The following PRKCB variants were observed in gnomAD, a reference collection of about 807,000 sequenced individuals.
PRKCB encodes protein kinase C beta type.
A neutral mutation model predicts 81.5 loss-of-function variants in PRKCB; 13 were observed. The observed-to-expected ratio is 0.16, with a 90% CI of 0.10 to 0.25. The LOEUF (loss-of-function observed/expected upper bound fraction) is 0.25, where lower values mean the gene tolerates loss of function less well. Ranked by LOEUF, PRKCB falls within the 10% of genes least tolerant of loss-of-function variation. The pLI, the probability that PRKCB is intolerant of heterozygous loss-of-function variation, is 1.00. For missense variants in PRKCB, 509 were observed against 875.7 expected, an observed-to-expected ratio of 0.58 and a Z score of 5.29; for synonymous variants, 335 against 321.4, an observed-to-expected ratio of 1.04 and a Z score of -0.45.
At chr16:24,055,065 G>A (rs774151858) in intron 5 of PRKCB, among the ~76,000 whole-genome samples, 25 of 152,204 alleles carry the variant, frequency 1.6e-4, no homozygotes, top group Non-Finnish European at 3.1e-4. Context: ...TGGGGGTCCC[G>A]TTCAGTATGC....
In PRKCB at chr16:24,220,309, C is replaced by T. The variant is rs368074978; in HGVS notation, c.*5493C>T. 77 of 586,930 alleles carry T rather than the reference C, an allele frequency of 1.3e-4. No homozygotes were observed. The East Asian group carries it at 1.6e-3, about 12-fold the overall frequency. The allele number at this position is 586,930 out of a possible 1,614,324, so 36.4% of individuals were successfully genotyped here. On this transcript the variant is annotated 3_prime_UTR_variant, in exon 17 of 17. Coordinates refer to ENST00000643927, the MANE Select transcript of PRKCB (RefSeq NM_002738.7). ...TTGAAAATGTTTAGTTTAGAATAAG[C>T]GCATTATCCAATTATAGAGGTACAA...
intron 6 of PRKCB, among the ~76,000 whole-genome samples, chr16:24,093,581 A>G (rs1966403340): frequency 6.6e-6 from 1 of 152,216 alleles, no homozygotes. Flanking sequence ...CCAAAGTCCC[A>G]TAGCAAATAT....
At chr16:23,925,390 G>T (rs1963882224) in intron 2 of PRKCB, among the ~76,000 whole-genome samples, 1 of 151,994 alleles carries the variant, frequency 6.6e-6, no homozygotes, top group African/African-American at 2.4e-5. Flanking sequence ...GGTATCTGTG[G>T]CCATGATAAT....
At chr16:23,981,038 C>G (rs1017949227) in intron 2 of PRKCB, among the ~76,000 whole-genome samples, 3 of 152,032 alleles carry the variant, frequency 2.0e-5, no homozygotes, top group Non-Finnish European at 4.4e-5. Flanking sequence ...CCTTGCTGAT[C>G]TAGTGTTTCT....
chr16:24,102,992 C>A (rs952828963), intron 7 of PRKCB, among the ~76,000 whole-genome samples: 3 of 152,134 alleles, frequency 2.0e-5, no homozygotes, highest in African/African-American at 7.2e-5. Flanking sequence ...CCTGACTGAG[C>A]CTCTTGAGTA....
At chr16:23,839,757 C>T (rs1207869566) in intron 2 of PRKCB, among the ~76,000 whole-genome samples, 1 of 152,188 alleles carries the variant, frequency 6.6e-6, no homozygotes, top group Non-Finnish European at 1.5e-5. Context: ...GTCTATAAAA[C>T]GGAGTCAGTA....
chr16:24,047,250 G>A (rs780416919), intron 5 of PRKCB, among the ~76,000 whole-genome samples: 1 of 152,116 alleles, frequency 6.6e-6, no homozygotes, highest in Non-Finnish European at 1.5e-5. Flanking sequence ...GCTGAGGCAG[G>A]AGAATCGCTT....
intron 2 of PRKCB, among the ~76,000 whole-genome samples, chr16:23,974,613 G>A (rs1466087069): frequency 6.6e-6 from 1 of 152,206 alleles, no homozygotes; most frequent in African/African-American, 2.4e-5. Flanking sequence ...GGAGCTGCTT[G>A]GTGACCATCC....
intron 2 of PRKCB, among the ~76,000 whole-genome samples, chr16:23,912,507 C>CTTTTTTTTTTTTTTTTTTTTTTT (rs1210105406): frequency 1.4e-5 from 1 of 72,078 alleles, no homozygotes; most frequent in African/African-American, 5.8e-5. Context: ...TTTCTTTCTT[C>CTTTTTTTTTTTTTTTTTTTTTTT]TTTTTTTTTT....
intron 2 of PRKCB, among the ~76,000 whole-genome samples, chr16:23,846,730 T>C (rs1962376010): frequency 6.6e-6 from 1 of 152,050 alleles, no homozygotes; most frequent in Non-Finnish European, 1.5e-5. Context: ...AGCTTGATTC[T>C]GTACTGGCTA....
At chr16:23,933,504 A>T (rs1292769325) in intron 2 of PRKCB, among the ~76,000 whole-genome samples, 2 of 152,348 alleles carry the variant, frequency 1.3e-5, no homozygotes, top group East Asian at 3.9e-4. Context: ...AAATGAGGTG[A>T]AAGAGCATGC....
chr16:23,887,236 G>A (rs1963217302), intron 2 of PRKCB, among the ~76,000 whole-genome samples: 1 of 152,152 alleles, frequency 6.6e-6, no homozygotes, highest in Non-Finnish European at 1.5e-5. Flanking sequence ...TGGAGTATGT[G>A]TGCAAGTTTG....
intron 2 of PRKCB, among the ~76,000 whole-genome samples, chr16:23,973,381 C>A (rs1200548387): frequency 6.6e-6 from 1 of 152,132 alleles, no homozygotes; most frequent in Non-Finnish European, 1.5e-5. Flanking sequence ...GGGGATTTCA[C>A]CATGTTAGCC....
chr16:24,114,856 T>TA (rs145968919), intron 8 of PRKCB, among the ~76,000 whole-genome samples: 8,510 of 145,458 alleles, frequency 0.059, 760 homozygotes, highest in African/African-American at 0.2. Flanking sequence ...CACACACAAA[T>TA]AAAAAAAAAA....
intron 3 of PRKCB, among the ~76,000 whole-genome samples, chr16:24,012,895 TACTTCTCCCTTGG>T (rs1333187136): frequency 1.3e-5 from 2 of 152,264 alleles, no homozygotes; most frequent in Non-Finnish European, 2.9e-5. Context: ...CATTTGCACA[TACTTCTCCCTTGG>T]CTGAGATACT....
chr16:23,994,592 T>A (rs1397016368), intron 3 of PRKCB, among the ~76,000 whole-genome samples: 2 of 152,202 alleles, frequency 1.3e-5, no homozygotes, highest in Admixed American at 6.5e-5. Flanking sequence ...GCTCTCTTAT[T>A]TGGCTTCTGC....
chr16:23,886,594 G>A (rs1195860729), intron 2 of PRKCB, among the ~76,000 whole-genome samples: 6 of 151,814 alleles, frequency 4.0e-5, no homozygotes, highest in Non-Finnish European at 7.4e-5. Flanking sequence ...TGTATTTTTA[G>A]TAGAGACGAG....
intron 1 of PRKCB, among the ~76,000 whole-genome samples, chr16:23,836,767 C>CGGG (rs1962167412): frequency 4.0e-5 from 2 of 49,766 alleles, no homozygotes; most frequent in African/African-American, 7.0e-5. Context: ...CCCCTTGTTT[C>CGGG]CGGGGGGGGC....
At position 24,096,684 on chromosome 16, in the gene PRKCB, T is replaced by A. The variant is rs1347110034; in HGVS notation, c.821+2387T>A. Among the ~76,000 whole-genome samples, 67 of 118,760 alleles carry A rather than the reference T, an allele frequency of 5.6e-4. 1 individual carries two copies. The highest frequency in any genetic ancestry group is 1.5e-3 in the African/African-American group (41 of 26,748). 77.9% of individuals were successfully genotyped at this position (118,760 alleles called of 152,430 possible). A position where few individuals can be genotyped will look rare whatever the true frequency, so the allele number is the denominator to read the frequency against. ...AAAAAAAAATATATATATATATATA[T>A]ATATATATATATATATATATATCCT... On this transcript the variant is annotated intron_variant, in intron 7 of 16. Coordinates refer to ENST00000643927, the MANE Select transcript of PRKCB (RefSeq NM_002738.7).
Sources: gnomAD v4.1 joint callset for allele counts (sites outside exome capture counted in the v4.1 genomes callset) on GRCh38, gnomAD v4.1.1 for gene constraint, MANE v1.5 for transcripts, NCBI Gene and HGNC (gene_info 2026-07-23, HGNC 2026-07-21) for gene names.